The following BABAM2 variants were observed in gnomAD, a reference collection of about 807,000 sequenced individuals.
The protein encoded by BABAM2 is BRISC and BRCA1 A complex member 2, also known as BRISC and BRCA1-A complex member 2.
In BABAM2, 31 loss-of-function variants were observed where a neutral mutation model predicts 54.7. The ratio of observed to expected loss-of-function variants is 0.57; its 90% confidence interval spans 0.43 to 0.77. The LOEUF (loss-of-function observed/expected upper bound fraction) is 0.77, where lower values mean the gene tolerates loss of function less well. Among genes scored for constraint, BABAM2 ranks in the 30% least tolerant of loss-of-function variants. The pLI, the probability that BABAM2 is intolerant of heterozygous loss-of-function variation, is 0.00. For missense variants in BABAM2, 364 were observed against 455.8 expected, an observed-to-expected ratio of 0.80 and a Z score of 1.83; for synonymous variants, 167 against 162.9, an observed-to-expected ratio of 1.03 and a Z score of -0.19.
At chr2:27,943,430 C>T (rs999093732) in intron 3 of BABAM2, among the ~76,000 whole-genome samples, 8 of 152,204 alleles carry the variant, frequency 5.3e-5, no homozygotes, top group African/African-American at 1.9e-4. Flanking sequence ...CCTTCCTTTC[C>T]TGCTTCTGCT....
chr2:28,323,726 A>C (rs986859395), intron 11 of BABAM2, among the ~76,000 whole-genome samples: 3 of 152,150 alleles, frequency 2.0e-5, no homozygotes, highest in Non-Finnish European at 4.4e-5. Flanking sequence ...CATCAACCCT[A>C]GGGAGTTTTA....
intron 10 of BABAM2, among the ~76,000 whole-genome samples, chr2:28,265,151 A>G (rs1189204536): frequency 6.6e-6 from 1 of 152,132 alleles, no homozygotes. Context: ...ATAAGACACA[A>G]TTAGGCCGGG....
chr2:28,049,376 C>G (rs116034301), intron 6 of BABAM2, among the ~76,000 whole-genome samples: 53 of 152,142 alleles, frequency 3.5e-4, no homozygotes, highest in African/African-American at 1.3e-3. Context: ...AAGAAAAGAC[C>G]ATATTGTTTA....
At chr2:28,278,944 G>A (rs955779521) in intron 10 of BABAM2, among the ~76,000 whole-genome samples, 1 of 152,240 alleles carries the variant, frequency 6.6e-6, no homozygotes, top group Admixed American at 6.5e-5. Context: ...GTAGGCGGAA[G>A]CCAGATGTGA....
chr2:27,983,649 G>A (rs1214562281), intron 3 of BABAM2, among the ~76,000 whole-genome samples: 1 of 151,964 alleles, frequency 6.6e-6, no homozygotes, highest in African/African-American at 2.4e-5. Flanking sequence ...ATGTTGTGTA[G>A]TTGCTAGTGT....
chr2:28,182,048 G>T (rs1558413050), intron 7 of BABAM2, among the ~76,000 whole-genome samples: 1 of 152,198 alleles, frequency 6.6e-6, no homozygotes, highest in Non-Finnish European at 1.5e-5. Flanking sequence ...ATCCCAGTGT[G>T]GCTGGAGTGG....
intron 3 of BABAM2, among the ~76,000 whole-genome samples, chr2:27,943,852 T>A (rs1669102453): frequency 6.6e-6 from 1 of 152,208 alleles, no homozygotes; most frequent in Non-Finnish European, 1.5e-5. Flanking sequence ...TTCTACAAAA[T>A]GCTCATTGAA....
intron 10 of BABAM2, among the ~76,000 whole-genome samples, chr2:28,286,593 C>T (rs985280874): frequency 6.6e-6 from 1 of 152,160 alleles, no homozygotes; most frequent in Admixed American, 6.5e-5. Flanking sequence ...TGCTTCTCTC[C>T]CTCCCTTCCC....
At chr2:28,313,016 T>C (rs1350075719) in intron 11 of BABAM2, among the ~76,000 whole-genome samples, 1 of 152,156 alleles carries the variant, frequency 6.6e-6, no homozygotes, top group East Asian at 1.9e-4. Flanking sequence ...CCTGCTCCCT[T>C]GCTCACAGGA....
intron 2 of BABAM2, among the ~76,000 whole-genome samples, chr2:27,914,524 G>A (rs1204629407): frequency 6.6e-6 from 1 of 152,144 alleles, no homozygotes; most frequent in African/African-American, 2.4e-5. Context: ...TGAATGAAGT[G>A]TTCAAGGAAT....
intron 4 of BABAM2, among the ~76,000 whole-genome samples, chr2:28,017,954 T>C (rs919655674): frequency 3.9e-5 from 6 of 152,242 alleles, no homozygotes; most frequent in African/African-American, 7.2e-5. Context: ...ATTAGGAATA[T>C]GCTACTATGA....
intron 10 of BABAM2, among the ~76,000 whole-genome samples, chr2:28,251,506 C>T (rs1205352003): frequency 6.6e-6 from 1 of 152,196 alleles, no homozygotes; most frequent in Admixed American, 6.5e-5. Context: ...CACCTCACCA[C>T]TAAAACACAA....
intron 4 of BABAM2, among the ~76,000 whole-genome samples, chr2:28,013,694 T>TAC (rs56148921): frequency 0.2 from 21,130 of 105,864 alleles, 2,142 homozygotes; most frequent in South Asian, 0.26. Context: ...AAAAAGCTCT[T>TAC]ACACACACAC....
intron 10 of BABAM2, among the ~76,000 whole-genome samples, chr2:28,273,218 C>T (rs1685576070): frequency 6.6e-6 from 1 of 152,202 alleles, no homozygotes; most frequent in Non-Finnish European, 1.5e-5. Flanking sequence ...CGTCTCTTTT[C>T]TCCTTCTTAA....
At chr2:28,257,904 T>C (rs1684104305) in intron 10 of BABAM2, among the ~76,000 whole-genome samples, 1 of 151,046 alleles carries the variant, frequency 6.6e-6, no homozygotes, top group African/African-American at 2.4e-5. Context: ...AAGCCGGGCG[T>C]GGTGGCTCAC....
intron 7 of BABAM2, among the ~76,000 whole-genome samples, chr2:28,230,382 G>A (rs561099231): frequency 6.6e-6 from 1 of 151,918 alleles, no homozygotes; most frequent in South Asian, 2.1e-4. Context: ...CTAACAACAG[G>A]TCTAGAAAAT....
At chr2:28,236,032 A>G (rs578154981) in intron 7 of BABAM2, among the ~76,000 whole-genome samples, 1 of 152,282 alleles carries the variant, frequency 6.6e-6, no homozygotes, top group African/African-American at 2.4e-5. Flanking sequence ...CAACCTTGTA[A>G]CTGCAGGGTC....
intron 10 of BABAM2, among the ~76,000 whole-genome samples, chr2:28,296,198 T>C (rs560779573): frequency 3.9e-5 from 6 of 152,308 alleles, no homozygotes; most frequent in African/African-American, 1.4e-4. Context: ...GAAAGCAATA[T>C]TTGTGCAGAG....
intron 6 of BABAM2, among the ~76,000 whole-genome samples, chr2:28,112,102 TTTC>T (rs1668086242): frequency 1.2e-4 from 1 of 8,646 alleles, no homozygotes; most frequent in Non-Finnish European, 2.4e-4. Flanking sequence ...TCTTTCTTTC[TTTC>T]TTTCTTTCTT....
Sources: gnomAD v4.1 joint callset for allele counts (sites outside exome capture counted in the v4.1 genomes callset) on GRCh38, gnomAD v4.1.1 for gene constraint, MANE v1.5 for transcripts, NCBI Gene and HGNC (gene_info 2026-07-23, HGNC 2026-07-21) for gene names.